Variants in LARP1B observed in about 807,000 individuals in gnomAD.
LARP1B encodes the protein La ribonucleoprotein 1B.
LARP1B carries 76 observed loss-of-function variants against 114.2 expected under a neutral mutation model. The observed-to-expected ratio is 0.67, with a 90% CI of 0.55 to 0.81. LARP1B has a LOEUF of 0.81. Among genes scored for constraint, LARP1B ranks in the 30% least tolerant of loss-of-function variants. LARP1B has a pLI of 0.00. For synonymous variants in LARP1B, 345 were observed against 348.0 expected (o/e 0.99, Z 0.10); for missense variants, 1,014 against 1,075.8 (o/e 0.94, Z 0.80).
At chr4:128,178,035 GATAT>G (rs35878913) in intron 13 of LARP1B, among the ~76,000 whole-genome samples, 5,011 of 137,810 alleles carry the variant, frequency 0.036, 226 homozygotes, top group African/African-American at 0.11. Flanking sequence ...TTTACAAAGT[GATAT>G]ATATATATAT....
At position 128,129,164 on chromosome 4, in the gene LARP1B, C is replaced by CAAAAAAAA. The variant is rs559312234; in HGVS notation, c.1524+7009_1524+7016dup. 1.2e-3 allele frequency among the ~76,000 whole-genome samples: 57 copies of CAAAAAAAA among 49,142 alleles called. 7 individuals carry two copies. The highest frequency in any genetic ancestry group is 2.7e-3 in the African/African-American group (28 of 10,316). The allele number at this position is 49,142 out of a possible 152,430, so 32.2% of individuals were successfully genotyped here. On this transcript the variant is annotated intron_variant, in intron 11 of 19. Transcript: ENST00000326639. ...TGGGCGACAGAGCGAGACTCTGTCT[C>CAAAAAAAA]AAAAAAAAAAAAAAAAAAAAAAAAA... is the stretch of plus-strand genomic sequence containing the variant.
intron 9 of LARP1B, among the ~76,000 whole-genome samples, chr4:128,113,402 G>A (rs968759729): frequency 2.1e-5 from 3 of 145,992 alleles, no homozygotes; most frequent in Non-Finnish European, 3.0e-5. Flanking sequence ...AGGCTGGAGC[G>A]CAGATCTTAG....
intron 1 of LARP1B, among the ~76,000 whole-genome samples, chr4:128,067,710 C>CTTT (rs66709998): frequency 3.4e-5 from 5 of 145,110 alleles, no homozygotes; most frequent in African/African-American, 5.1e-5. Context: ...TGGATACCTC[C>CTTT]TTTTTTTTTT....
At chr4:128,082,059 C>A in intron 4 of LARP1B, 106 bp from the exon 5 acceptor site, 1 of 1,026,708 alleles carries the variant, frequency 9.7e-7, no homozygotes, top group Non-Finnish European at 1.5e-6. Context: ...TCTTAAAATA[C>A]ACATTAAGTG....
At chr4:128,110,854 ATACTT>A in intron 9 of LARP1B, among the ~76,000 whole-genome samples, 1 of 151,736 alleles carries the variant, frequency 6.6e-6, no homozygotes, top group African/African-American at 2.4e-5. Context: ...ATATATTGAA[ATACTT>A]TACTTCCCAG....
intron 8 of LARP1B, among the ~76,000 whole-genome samples, chr4:128,106,068 G>A (rs903850250): frequency 2.0e-5 from 3 of 150,776 alleles, no homozygotes; most frequent in African/African-American, 7.3e-5. Context: ...TCTGTCTCCA[G>A]GCTGGAGTCC....
chr4:128,086,009 C>CTTT (rs143345158), intron 5 of LARP1B, among the ~76,000 whole-genome samples: 125 of 91,254 alleles, frequency 1.4e-3, no homozygotes, highest in Non-Finnish European at 1.8e-3. Flanking sequence ...TCATGGTATT[C>CTTT]TTTTTTTTTT....
intron 1 of LARP1B, among the ~76,000 whole-genome samples, chr4:128,066,196 A>T (rs1201514057): frequency 1.2e-4 from 6 of 51,880 alleles, no homozygotes; most frequent in East Asian, 4.5e-4. Context: ...TGTTATATTG[A>T]GACAGAGTCT....
chr4:128,222,588 C>T (rs183069574), exon 8 of LARP1B: 1 of 272,374 alleles, frequency 3.7e-6, no homozygotes, highest in Admixed American at 4.6e-5. Flanking sequence ...AAATTTACCT[C>T]CCACCAAGAG....
intron 8 of LARP1B, among the ~76,000 whole-genome samples, chr4:128,105,266 A>AT (rs1781675952): frequency 6.6e-6 from 1 of 151,956 alleles, no homozygotes; most frequent in Non-Finnish European, 1.5e-5. Flanking sequence ...AACTTTTCTG[A>AT]TTTTCATATC....
chr4:128,092,276 GT>G (rs1776189880), intron 7 of LARP1B, among the ~76,000 whole-genome samples: 1 of 151,882 alleles, frequency 6.6e-6, no homozygotes, highest in Non-Finnish European at 1.5e-5. Flanking sequence ...GAATTCTTAA[GT>G]TTTTTTTATC....
chr4:128,071,782 T>C (rs1765473598), intron 1 of LARP1B, among the ~76,000 whole-genome samples: 1 of 149,260 alleles, frequency 6.7e-6, no homozygotes, highest in African/African-American at 2.5e-5. Flanking sequence ...TATGATAAGA[T>C]GTGAAATATT....
At chr4:128,202,385 T>A (rs183056195) in intron 17 of LARP1B, among the ~76,000 whole-genome samples, 2 of 151,904 alleles carry the variant, frequency 1.3e-5, no homozygotes, top group Admixed American at 1.3e-4. Context: ...CTGAGCATAG[T>A]AATTCATACA....
chr4:128,098,351 C>A (rs775226490), intron 8 of LARP1B, 21 bp downstream of exon 8: 2 of 1,575,882 alleles, frequency 1.3e-6, no homozygotes, highest in Admixed American at 3.5e-5. Flanking sequence ...ATTTGATGAA[C>A]AATTTGTACT....
chr4:128,084,514 A>G (rs1027635230), intron 5 of LARP1B, among the ~76,000 whole-genome samples: 9 of 152,094 alleles, frequency 5.9e-5, no homozygotes, highest in Admixed American at 5.2e-4. Flanking sequence ...AATCGCAGGC[A>G]CTCGGCAGGC....
At chr4:128,067,286 G>A (rs1333261799) in intron 1 of LARP1B, among the ~76,000 whole-genome samples, 2 of 152,112 alleles carry the variant, frequency 1.3e-5, no homozygotes, top group African/African-American at 4.8e-5. Context: ...AGAGAGAATT[G>A]TATTGAAATA....
chr4:128,172,232 A>G (rs747998471), intron 12 of LARP1B, among the ~76,000 whole-genome samples: 9 of 151,532 alleles, frequency 5.9e-5, no homozygotes, highest in Non-Finnish European at 8.8e-5. Flanking sequence ...GCTGCTTTTA[A>G]TGTTTCCTCT....
intron 1 of LARP1B, chr4:128,069,060 C>G (rs1172629081): frequency 2.0e-6 from 2 of 1,014,234 alleles, no homozygotes; most frequent in African/African-American, 3.2e-5. Context: ...TCTCCAAGCT[C>G]CCTGGTGAGA....
rs1778787142 is a variant in LARP1B at position 128,098,248 on chromosome 4, A to C, written c.731A>C (p.Glu244Ala). The C allele has an allele frequency of 1.9e-6, 3 of 1,613,782 alleles. No homozygotes were observed. Among genetic ancestry groups the C allele is most frequent in the Non-Finnish European group, 2.5e-6 (3 of 1,179,678 alleles). ...RDFFLRGKMD[E>A]QGFLPISLIA... ...TTCTTTCTTCGGGGAAAGATGGATG[A>C]ACAAGGTTTCTTGCCTATTTCCCTG... Residue 244 changes from glutamate (E) to alanine (A), a missense_variant, in exon 8 of 20, where the codon GAA becomes GCA. Physicochemically the swap from Glu to Ala is moderately radical, Grantham distance 107. Transcript: ENST00000326639.
Sources: gnomAD v4.1 joint callset for allele counts (sites outside exome capture counted in the v4.1 genomes callset) on GRCh38, gnomAD v4.1.1 for gene constraint, MANE v1.5 for transcripts, NCBI Gene and HGNC (gene_info 2026-07-23, HGNC 2026-07-21) for gene names.